SBF2: variants seen among roughly 807,000 people sequenced by gnomAD.
SBF2 encodes the protein myotubularin-related protein 13.
A neutral mutation model predicts 225.2 loss-of-function variants in SBF2; 112 were observed. The observed-to-expected ratio is 0.50, with a 90% CI of 0.43 to 0.58. SBF2 has a LOEUF of 0.58. Ranked by LOEUF, SBF2 falls within the 20% of genes least tolerant of loss-of-function variation. SBF2 has a pLI of 0.00. For synonymous variants in SBF2, 763 were observed against 773.3 expected, an observed-to-expected ratio of 0.99 and a Z score of 0.22; for missense variants, 1,996 against 2,206.2, an observed-to-expected ratio of 0.90 and a Z score of 1.91.
intron 13 of SBF2, among the ~76,000 whole-genome samples, chr11:9,980,215 A>C (rs937820003): frequency 1.3e-5 from 2 of 151,284 alleles, no homozygotes; most frequent in African/African-American, 4.9e-5. Flanking sequence ...TCCTGACCTC[A>C]AGTGATCTGC....
In SBF2 at chr11:9,794,676, C is replaced by CAAAAAAAAAAAAAAAAAAAAAAA. The variant is rs575749593; in HGVS notation, c.4570+1132_4570+1154dup. Among the ~76,000 whole-genome samples the CAAAAAAAAAAAAAAAAAAAAAAA allele has an allele frequency of 5.7e-5, 2 of 35,352 alleles. 1 individual carries two copies. The highest frequency in any genetic ancestry group is 9.6e-5 in the Non-Finnish European group (2 of 20,920). 23.2% of individuals were successfully genotyped at this position (35,352 alleles called of 152,430 possible). ...TGATACAGTGAGTGGGACTCCGTCT[C>CAAAAAAAAAAAAAAAAAAAAAAA]AAAAAAAAAAAAAAAAAAAAAAAAA... On this transcript the variant is annotated intron_variant, in intron 33 of 39. Transcript: ENST00000256190.
In SBF2 at chr11:9,829,346, C is replaced by T. The variant is rs1171385429; in HGVS notation, c.3793+10G>A. On this transcript the variant is annotated intron_variant, in intron 28 of 39. Transcript: ENST00000256190. ...AAGCTGTCAAGAAGAAAAGTATTAT[C>T]AAATCTTACCTGGAGATAGAGCAAA... 4 of 1,613,934 alleles carry T rather than the reference C, an allele frequency of 2.5e-6. No individual in the cohort carries two copies. The South Asian group carries it at 4.4e-5, about 18-fold the overall frequency.
At chr11:10,209,134 C>A (rs1957844828) in intron 1 of SBF2, among the ~76,000 whole-genome samples, 1 of 152,068 alleles carries the variant, frequency 6.6e-6, no homozygotes, top group African/African-American at 2.4e-5. Context: ...TCAATGTATT[C>A]CCTAACCCTA....
chr11:10,282,927 T>G (rs759283703), intron 1 of SBF2, among the ~76,000 whole-genome samples: 2 of 152,186 alleles, frequency 1.3e-5, no homozygotes, highest in African/African-American at 2.4e-5. Flanking sequence ...CCTACCTCAG[T>G]TTCCATCTAC....
At chr11:9,852,608 A>C (rs1857035663) in intron 21 of SBF2, 68 bp downstream of exon 21, 1 of 1,130,076 alleles carries the variant, frequency 8.8e-7, no homozygotes, top group Non-Finnish European at 1.4e-6. Flanking sequence ...CTTTCCTGGC[A>C]CACAGCAGTC....
rs532581607 is a variant in SBF2 at position 9,871,016 on chromosome 11, A to C, written c.1930-12620T>G. ...TAACTCAAGATGGATTACAGACTAA[A>C]ATGTAAAATGCAAAACTATCAAAAA... On this transcript the variant is annotated intron_variant, in intron 17 of 39. Transcript: ENST00000256190. 2.2e-4 allele frequency among the ~76,000 whole-genome samples: 34 copies of C among 152,176 alleles called. No individual in the cohort carries two copies. The South Asian group carries it at 2.3e-3, about 10-fold the overall frequency.
At chr11:9,960,175 C>G (rs1006073767) in intron 16 of SBF2, 1 of 154,628 alleles carries the variant, frequency 6.5e-6, no homozygotes, top group East Asian at 1.9e-4. Context: ...TTCTTGTAAT[C>G]GGAGCATTAA....
chr11:10,233,696 C>T (rs1958950985), intron 1 of SBF2, among the ~76,000 whole-genome samples: 1 of 152,012 alleles, frequency 6.6e-6, no homozygotes, highest in African/African-American at 2.4e-5. Context: ...ATTTATGACT[C>T]AGCTGCAGGG....
chr11:9,799,380 G>T (rs560385164), intron 32 of SBF2, among the ~76,000 whole-genome samples: 2 of 152,268 alleles, frequency 1.3e-5, no homozygotes, highest in East Asian at 3.9e-4. Flanking sequence ...ACGCTTGGGG[G>T]CACTATGCAT....
chr11:9,778,909 G>A lies in SBF2; in HGVS notation c.*1509C>T, dbSNP rs902281371. Reference sequence around the variant, plus strand: ...TGTGTATAGTCTCAAATAGCTGAAGGTACAATGGGCTCCATATTTTACAAA... The same window carrying A: ...TGTGTATAGTCTCAAATAGCTGAAGATACAATGGGCTCCATATTTTACAAA... On this transcript the variant is annotated 3_prime_UTR_variant, in exon 40 of 40. Coordinates refer to ENST00000256190, the MANE Select transcript of SBF2 (RefSeq NM_030962.4). 2 of 152,530 alleles carry A rather than the reference G, an allele frequency of 1.3e-5. No homozygotes were observed. Among genetic ancestry groups the A allele is most frequent in the Non-Finnish European group, 2.9e-5 (2 of 68,012 alleles). 9.4% of individuals were successfully genotyped at this position (152,530 alleles called of 1,614,324 possible).
chr11:9,785,393 A>G (rs1852306469), intron 36 of SBF2, 75 bp from the exon 37 acceptor site: 3 of 1,227,154 alleles, frequency 2.4e-6, no homozygotes, highest in Non-Finnish European at 2.4e-6. Flanking sequence ...TCATTTACAA[A>G]TATTTATCTC....
In SBF2 at chr11:9,963,804, A is replaced by G; in HGVS notation, c.1679T>C (p.Ile560Thr). The change falls in exon 15 of 40, where the codon ATA becomes ACA. Residue 560 changes from isoleucine (I) to threonine (T), a missense_variant. Coordinates refer to ENST00000256190, the MANE Select transcript of SBF2 (RefSeq NM_030962.4). ...AGTTTCCAAAATTTTATTTTCAAAT[A>G]TGAATGAGATACAGTTTCTGACAAC... ...LEVVRNCISF[I>T]FENKILETEK... 1 of 1,602,076 alleles carries G rather than the reference A, an allele frequency of 6.2e-7. No homozygotes were observed. The highest frequency in any genetic ancestry group is 8.5e-7 in the Non-Finnish European group (1 of 1,170,182).
At chr11:10,192,693 A>G (rs554711659) in intron 2 of SBF2, among the ~76,000 whole-genome samples, 60 of 152,028 alleles carry the variant, frequency 3.9e-4, no homozygotes, top group African/African-American at 1.2e-3. Flanking sequence ...AAAGTAGTTG[A>G]GCAACTTGTC....
intron 17 of SBF2, among the ~76,000 whole-genome samples, chr11:9,874,757 T>C (rs992077410): frequency 1.3e-5 from 2 of 152,222 alleles, no homozygotes; most frequent in African/African-American, 4.8e-5. Flanking sequence ...GAAGAGGCTC[T>C]GACTTACAGA....
At chr11:10,043,906 A>C (rs2403264) in intron 2 of SBF2, among the ~76,000 whole-genome samples, 1 of 151,954 alleles carries the variant, frequency 6.6e-6, no homozygotes, top group Non-Finnish European at 1.5e-5. Flanking sequence ...TGAGTCAAAG[A>C]TGAAATCTCA....
chr11:9,967,959 CTCTCTCTCTCTCTA>C (rs1565072929), intron 14 of SBF2, among the ~76,000 whole-genome samples: 27 of 111,760 alleles, frequency 2.4e-4, no homozygotes, highest in African/African-American at 7.9e-4. Context: ...CTCTCTCTCT[CTCTCTCTCTCTCTA>C]TATATATATA....
At chr11:10,177,093 C>T (rs1485802142) in intron 2 of SBF2, among the ~76,000 whole-genome samples, 2 of 152,000 alleles carry the variant, frequency 1.3e-5, no homozygotes, top group Admixed American at 6.6e-5. Context: ...ACAAAAACCA[C>T]ATGATTATCT....
intron 1 of SBF2, among the ~76,000 whole-genome samples, chr11:10,229,367 G>A (rs1040384439): frequency 1.5e-4 from 23 of 152,126 alleles, no homozygotes; most frequent in African/African-American, 4.6e-4. Flanking sequence ...TTTTGAATGT[G>A]TTTGCTCTTG....
chr11:9,914,402 T>C (rs957882436), intron 16 of SBF2, among the ~76,000 whole-genome samples: 1 of 152,326 alleles, frequency 6.6e-6, no homozygotes. Flanking sequence ...TACAGTAAAC[T>C]GATCTTTGAC....
Sources: allele counts gnomAD v4.1 joint callset (sites outside exome capture counted in the v4.1 genomes callset), GRCh38; gene constraint gnomAD v4.1.1; transcripts MANE v1.5; gene names NCBI Gene and HGNC (gene_info 2026-07-23, HGNC 2026-07-21).